The following KCNU1 variants were observed in gnomAD, a reference collection of about 807,000 sequenced individuals.
The protein encoded by KCNU1 is potassium channel subfamily U member 1.
A neutral mutation model predicts 126.8 loss-of-function variants in KCNU1; 93 were observed. That is an observed-to-expected ratio of 0.73 (90% confidence interval 0.62 to 0.87). The LOEUF (loss-of-function observed/expected upper bound fraction) is 0.87. Among genes scored for constraint, KCNU1 ranks in the 40% least tolerant of loss-of-function variants. KCNU1 has a pLI of 0.00. For missense variants in KCNU1, 1,330 were observed against 1,367.1 expected, an observed-to-expected ratio of 0.97 and a Z score of 0.43; for synonymous variants, 523 against 494.2, an observed-to-expected ratio of 1.06 and a Z score of -0.77.
rs79753361 is a variant in KCNU1 at position 36,801,203 on chromosome 8, G to T, written c.316-2824G>T. ...GAAAGAAACATAGAACCAGATGCCT[G>T]CTTTAGATAATAGGAAAGTCTGATT... On this transcript the variant is annotated intron_variant, in intron 2 of 26. Coordinates refer to ENST00000399881, the MANE Select transcript of KCNU1 (RefSeq NM_001031836.3). Among the ~76,000 whole-genome samples the T allele has an allele frequency of 4.3e-3, 654 of 152,310 alleles. 7 individuals carry two copies. The highest frequency in any genetic ancestry group is 0.015 in the African/African-American group (616 of 41,572).
intron 16 of KCNU1, among the ~76,000 whole-genome samples, chr8:36,841,562 C>T (rs992438043): frequency 6.6e-6 from 1 of 152,056 alleles, no homozygotes; most frequent in Non-Finnish European, 1.5e-5. Context: ...CATTGTCGTG[C>T]ACCTGGGCCT....
intron 10 of KCNU1, among the ~76,000 whole-genome samples, chr8:36,825,630 G>GTCTC (rs1804291381): frequency 6.6e-6 from 1 of 152,144 alleles, no homozygotes; most frequent in Non-Finnish European, 1.5e-5. Context: ...GGCTTTTAGT[G>GTCTC]TAAGTGTCAC....
chr8:36,928,996 G>A (rs1808615823), intron 24 of KCNU1: 3 of 699,300 alleles, frequency 4.3e-6, no homozygotes, highest in Non-Finnish European at 7.8e-6. Context: ...ACAGAATTTA[G>A]CAATGTGTGC....
intron 23 of KCNU1, 39 bp from the exon 24 acceptor site, chr8:36,922,451 T>C (rs1379689076): frequency 6.3e-7 from 1 of 1,594,938 alleles, no homozygotes; most frequent in Non-Finnish European, 8.5e-7. Flanking sequence ...ATTCTTAACC[T>C]GATCTGCTTG....
At chr8:36,793,931 G>A (rs1175500246) in intron 2 of KCNU1, among the ~76,000 whole-genome samples, 1 of 151,782 alleles carries the variant, frequency 6.6e-6, no homozygotes, top group African/African-American at 2.4e-5. Flanking sequence ...GTGCTCGCCT[G>A]TAATCCCAGC....
intron 9 of KCNU1, 122 bp from the exon 10 acceptor site, chr8:36,817,528 T>G (rs2130475534): frequency 4.5e-6 from 2 of 447,128 alleles, no homozygotes; most frequent in East Asian, 4.3e-5. Flanking sequence ...AAAAAAAATC[T>G]GGGTGATGCA....
At chr8:36,911,308 A>G (rs974853919) in intron 22 of KCNU1, among the ~76,000 whole-genome samples, 189 bp downstream of exon 22, 3 of 152,172 alleles carry the variant, frequency 2.0e-5, no homozygotes, top group Non-Finnish European at 4.4e-5. Flanking sequence ...TTCTAAGTCA[A>G]ATGGATGATG....
chr8:36,793,695 G>A (rs1388722891), intron 2 of KCNU1, among the ~76,000 whole-genome samples: 1 of 152,168 alleles, frequency 6.6e-6, no homozygotes, highest in Admixed American at 6.5e-5. Flanking sequence ...TAACTAGGAT[G>A]ATCATAAACA....
chr8:36,790,958 A>G (rs1802880392), intron 2 of KCNU1, among the ~76,000 whole-genome samples: 1 of 151,780 alleles, frequency 6.6e-6, no homozygotes, highest in Admixed American at 6.6e-5. Context: ...AATAGAAGAC[A>G]AAGAAAAGGA....
At chr8:36,840,023 CT>C (rs1295762067) in intron 14 of KCNU1, among the ~76,000 whole-genome samples, 1 of 152,206 alleles carries the variant, frequency 6.6e-6, no homozygotes, top group Admixed American at 6.5e-5. Context: ...TGGACAGAAG[CT>C]ATGAATATTT....
intron 19 of KCNU1, among the ~76,000 whole-genome samples, chr8:36,891,001 C>A (rs1806941712): frequency 6.6e-6 from 1 of 151,514 alleles, no homozygotes; most frequent in South Asian, 2.1e-4. Flanking sequence ...ATTATTACAA[C>A]CTCTGTATTT....
rs564627975 is a variant in KCNU1, at chr8:36,817,688, T to C, written c.1034T>C (p.Val345Ala). Residue 345 changes from valine (V) to alanine (A), a missense_variant, in exon 10 of 27, where the codon GTG becomes GCG. Physicochemically the swap from Val to Ala is moderately conservative, Grantham distance 64 (BLOSUM62 0). Transcript: ENST00000399881. ...VVCGNITVDS[V>A]TAFLRNFLRD... ...TGTGGAAACATCACTGTGGACAGTGTGACCGCTTTCCTGAGGAATTTCCTC... is the reference window on the plus strand; with the variant it reads ...TGTGGAAACATCACTGTGGACAGTGCGACCGCTTTCCTGAGGAATTTCCTC... 1 of 1,612,980 alleles carries C rather than the reference T, an allele frequency of 6.2e-7. No homozygotes were observed. The highest frequency in any genetic ancestry group is 1.7e-5 in the Admixed American group (1 of 60,004).
At chr8:36,819,245 C>A (rs1804035647) in intron 10 of KCNU1, among the ~76,000 whole-genome samples, 1 of 152,066 alleles carries the variant, frequency 6.6e-6, no homozygotes, top group Non-Finnish European at 1.5e-5. Context: ...ATATTTTTAA[C>A]CTAGTGTTAT....
chr8:36,899,849 A>G (rs1807346697), intron 19 of KCNU1, among the ~76,000 whole-genome samples: 1 of 152,098 alleles, frequency 6.6e-6, no homozygotes, highest in South Asian at 2.1e-4. Context: ...CCTCCCAGAG[A>G]GCTTTTCAAA....
At chr8:36,884,303 A>T (rs1010170891) in intron 19 of KCNU1, among the ~76,000 whole-genome samples, 1 of 152,202 alleles carries the variant, frequency 6.6e-6, no homozygotes, top group Non-Finnish European at 1.5e-5. Context: ...TCATATTTTA[A>T]TTACCCACAG....
intron 14 of KCNU1, among the ~76,000 whole-genome samples, chr8:36,839,025 A>ATTTTT (rs140208601): frequency 1.3e-3 from 194 of 152,262 alleles, no homozygotes; most frequent in African/African-American, 4.5e-3. Context: ...CTGACTGTCA[A>ATTTTT]TTTCTCTATC....
intron 2 of KCNU1, among the ~76,000 whole-genome samples, chr8:36,792,666 G>T (rs1229017311): frequency 6.6e-6 from 1 of 152,102 alleles, no homozygotes; most frequent in African/African-American, 2.4e-5. Flanking sequence ...ATATCTCATA[G>T]AAATACAATG....
Position 36,910,931 on chromosome 8 carries a change from G to A in KCNU1, c.2333G>A (p.Gly778Glu), listed in dbSNP as rs774636098. ...TCCTCTCTCTTTTCCTCTCATTAGG[G>A]ATGTGCACTTTATTCTGGAGACCTC... The part of the protein sequence containing the change: ...WNFPQIYILP[G>E]CALYSGDLHA... The change falls in exon 22 of 27, where the codon GGA (glycine) becomes GAA (glutamate). Residue 778 changes from glycine to glutamate, a missense_variant and splice_region_variant. By Grantham distance (98) the Gly-to-Glu change is moderately conservative (BLOSUM62 -2). Transcript: ENST00000399881. 3.1e-6 allele frequency: 5 copies of A among 1,604,984 alleles called. No individual in the cohort carries two copies. Among genetic ancestry groups the A allele is most frequent in the Non-Finnish European group, 4.3e-6 (5 of 1,173,586 alleles).
At chr8:36,881,904 C>T (rs1409236159) in intron 19 of KCNU1, among the ~76,000 whole-genome samples, 1 of 150,994 alleles carries the variant, frequency 6.6e-6, no homozygotes, top group East Asian at 2.0e-4. Flanking sequence ...CATGTTATAG[C>T]CAGATTCTTA....
Sources: gnomAD v4.1 joint callset for allele counts (sites outside exome capture counted in the v4.1 genomes callset) on GRCh38, gnomAD v4.1.1 for gene constraint, MANE v1.5 for transcripts, NCBI Gene and HGNC (gene_info 2026-07-23, HGNC 2026-07-21) for gene names.